Variants in TMEM62 observed in about 807,000 individuals in gnomAD.
TMEM62 encodes transmembrane protein 62.
A neutral mutation model predicts 70.4 loss-of-function variants in TMEM62; 41 were observed. That is an observed-to-expected ratio of 0.58 (90% CI 0.45 to 0.76). The LOEUF is 0.76. TMEM62 is among the 30% of genes least tolerant of loss of function. The probability of loss-of-function intolerance (pLI) is 0.00; values close to 1 mark genes in which losing one functional copy is unlikely to be tolerated. For missense variants in TMEM62, 688 were observed against 788.5 expected (o/e 0.87, Z 1.53); for synonymous variants, 268 against 291.0 (o/e 0.92, Z 0.80).
chr15:43,178,116 G>A (rs2040956518), intron 11 of TMEM62, among the ~76,000 whole-genome samples: 1 of 150,980 alleles, frequency 6.6e-6, no homozygotes, highest in African/African-American at 2.5e-5. Flanking sequence ...TACTTTTGAA[G>A]TATTTTGATA....
At chr15:43,154,906 A>G in intron 9 of TMEM62, 75 bp downstream of exon 9, 1 of 1,323,406 alleles carries the variant, frequency 7.6e-7, no homozygotes, top group Non-Finnish European at 1.0e-6. Flanking sequence ...GGAATTTTTT[A>G]GTCAATTGGT....
At chr15:43,138,739 AT>A (rs1473744626) in intron 4 of TMEM62, 120 bp downstream of exon 4, 2 of 846,558 alleles carry the variant, frequency 2.4e-6, no homozygotes, top group East Asian at 4.9e-5. Flanking sequence ...GGGTCTCGCT[AT>A]TTTGCCCAGG....
Position 43,133,966 on chromosome 15 carries a change from T to C in TMEM62, c.164T>C (p.Ile55Thr), listed in dbSNP as rs910605639. 5 of 1,447,792 alleles carry C rather than the reference T, an allele frequency of 3.5e-6. No homozygotes were observed. Among genetic ancestry groups the C allele is most frequent in the Non-Finnish European group, 4.5e-6 (5 of 1,107,060 alleles). 89.7% of individuals were successfully genotyped at this position (1,447,792 alleles called of 1,614,324 possible). A position where few individuals can be genotyped will look rare whatever the true frequency, so the allele number is the denominator to read the frequency against. ...GCGCCAGGGCCCGGAGACAGCAACA[T>C]CTTCTGGGGCCTGCAGGTGACGCGG... ...HPAPGPGDSNIFWGLQISDIH... is the reference protein window; with the variant it reads ...HPAPGPGDSNTFWGLQISDIH... The change falls in exon 1 of 14, where the codon ATC (isoleucine) becomes ACC (threonine). Residue 55 changes from isoleucine (I) to threonine (T), a missense_variant. Transcript: ENST00000260403.
At chr15:43,138,732 T>A in intron 4 of TMEM62, 113 bp downstream of exon 4, 1 of 900,770 alleles carries the variant, frequency 1.1e-6, no homozygotes, top group Non-Finnish European at 1.7e-6. Context: ...GAGGCAGGGG[T>A]CTCGCTATTT....
Position 43,157,539 on chromosome 15 carries a change from GT to G in TMEM62, c.1182+2716del, listed in dbSNP as rs553059800. On this transcript the variant is annotated intron_variant, in intron 9 of 13. Transcript: ENST00000260403. ...GTAAGTTCTTATTGTTATTTTTAAA[GT>G]TTTTTTTATAATGGGAAAATTTTAA... Among the ~76,000 whole-genome samples the G allele has an allele frequency of 3.9e-3, 593 of 151,946 alleles. 2 individuals carry two copies. Among genetic ancestry groups the G allele is most frequent in the African/African-American group, 0.014 (561 of 41,460 alleles).
At chr15:43,147,487 A>T (rs2036821000) in intron 5 of TMEM62, among the ~76,000 whole-genome samples, 1 of 152,228 alleles carries the variant, frequency 6.6e-6, no homozygotes, top group South Asian at 2.1e-4. Context: ...CAAAAGTGAT[A>T]AGATCAAGTT....
At chr15:43,169,972 G>A (rs2040015515) in intron 11 of TMEM62, 2 of 240,992 alleles carry the variant, frequency 8.3e-6, no homozygotes, top group Non-Finnish European at 1.6e-5. Context: ...AGGTTTTACG[G>A]GGATTCAGAG....
chr15:43,178,630 A>C lies in TMEM62; in HGVS notation c.1405A>C (p.Thr469Pro). Reference sequence around the variant, plus strand: ...AGAACCTTCAGGGTTTATAAATCTGACCTCATTTTCTCTTCATGTCTTGAG... The same window carrying C: ...AGAACCTTCAGGGTTTATAAATCTGCCCTCATTTTCTCTTCATGTCTTGAG... Reference protein sequence around the residue: ...LKEPSGFINLTSFSLHVLSKI... With the variant: ...LKEPSGFINLPSFSLHVLSKI... Residue 469 changes from threonine to proline, a missense_variant, in exon 12 of 14, where the codon ACC (threonine) becomes CCC (proline). Thr to Pro is a conservative substitution (Grantham distance 38). Coordinates refer to ENST00000260403, the MANE Select transcript of TMEM62 (RefSeq NM_024956.4). 6.2e-7 allele frequency: 1 copy of C among 1,611,388 alleles called. No individual in the cohort carries two copies. Among genetic ancestry groups the C allele is most frequent in the Non-Finnish European group, 8.5e-7 (1 of 1,177,952 alleles).
At chr15:43,153,272 G>A (rs987307813) in intron 8 of TMEM62, among the ~76,000 whole-genome samples, 2 of 151,918 alleles carry the variant, frequency 1.3e-5, no homozygotes, top group African/African-American at 4.8e-5. Flanking sequence ...ATTAAACAAA[G>A]TACACATGGC....
At position 43,171,688 on chromosome 15, in the gene TMEM62, C is replaced by T. The variant is rs968345286; in HGVS notation, c.1381+2011C>T. Among the ~76,000 whole-genome samples the T allele has an allele frequency of 4.3e-5, 6 of 140,954 alleles. 1 individual carries two copies. The highest frequency in any genetic ancestry group is 4.4e-4 in the South Asian group (2 of 4,542). 92.5% of individuals were successfully genotyped at this position (140,954 alleles called of 152,430 possible). On this transcript the variant is annotated intron_variant, in intron 11 of 13. Transcript: ENST00000260403. ...TGTCCCCCAGGCTGGAGTGCAGTGG[C>T]GCAATCTCAGCTCACTGCAAGCTCT...
chr15:43,141,668 A>G (rs2036034481), intron 4 of TMEM62, among the ~76,000 whole-genome samples: 1 of 152,250 alleles, frequency 6.6e-6, no homozygotes, highest in Non-Finnish European at 1.5e-5. Context: ...GCTGCCTTAG[A>G]TTATGATTCC....
intron 2 of TMEM62, 22 bp from the exon 3 acceptor site, chr15:43,135,490 C>A (rs918934321): frequency 6.4e-7 from 1 of 1,570,496 alleles, no homozygotes; most frequent in African/African-American, 1.4e-5. Context: ...CATTGTGATT[C>A]AATTCTTGTG....
intron 10 of TMEM62, among the ~76,000 whole-genome samples, chr15:43,162,520 C>T (rs897960560): frequency 3.3e-5 from 5 of 151,894 alleles, no homozygotes; most frequent in African/African-American, 2.4e-5. Context: ...CAACTTCTGC[C>T]TCCTGGGTTC....
At chr15:43,167,699 G>A (rs1216841468) in intron 10 of TMEM62, among the ~76,000 whole-genome samples, 4 of 152,050 alleles carry the variant, frequency 2.6e-5, no homozygotes, top group Non-Finnish European at 4.4e-5. Flanking sequence ...AGGCAGAGAC[G>A]CTCCTCACTT....
intron 11 of TMEM62, among the ~76,000 whole-genome samples, chr15:43,171,614 C>CTTTTTTTTT (rs751979920): frequency 1.7e-4 from 20 of 114,984 alleles, no homozygotes; most frequent in Middle Eastern, 6.2e-3. Flanking sequence ...TTAATAAAAA[C>CTTTTTTTTT]TTTTTTTTTT....
chr15:43,162,803 AAAT>A (rs1270864898), intron 10 of TMEM62, among the ~76,000 whole-genome samples: 1 of 152,094 alleles, frequency 6.6e-6, no homozygotes, highest in African/African-American at 2.4e-5. Flanking sequence ...TCTACTGTAT[AAAT>A]AATGCTTGTA....
intron 4 of TMEM62, among the ~76,000 whole-genome samples, chr15:43,141,112 TG>T (rs1057125719): frequency 1.6e-4 from 25 of 152,350 alleles, no homozygotes; most frequent in Admixed American, 3.9e-4. Flanking sequence ...CTCCTGTCTC[TG>T]GGTGCCCCAT....
intron 9 of TMEM62, 108 bp downstream of exon 9, chr15:43,154,939 A>T: frequency 1.9e-6 from 2 of 1,057,002 alleles, no homozygotes; most frequent in Non-Finnish European, 2.6e-6. Flanking sequence ...TTTAAAAAAA[A>T]ACTGGGGGCC....
chr15:43,181,604 C>A (rs1290670742), intron 13 of TMEM62, among the ~76,000 whole-genome samples: 2 of 152,176 alleles, frequency 1.3e-5, no homozygotes, highest in African/African-American at 2.4e-5. Flanking sequence ...TGGGTTCCAG[C>A]GATTTTCCTG....
Sources: gnomAD v4.1 joint callset for allele counts (sites outside exome capture counted in the v4.1 genomes callset) on GRCh38, gnomAD v4.1.1 for gene constraint, MANE v1.5 for transcripts, NCBI Gene and HGNC (gene_info 2026-07-23, HGNC 2026-07-21) for gene names.